The following SMG6 variants were observed in gnomAD, a reference collection of about 807,000 sequenced individuals.
SMG6 encodes the protein SMG6 nonsense mediated mRNA decay factor.
SMG6 carries 66 observed loss-of-function variants against 142.2 expected under a neutral mutation model. That is an observed-to-expected ratio of 0.46 (90% CI 0.38 to 0.57). The LOEUF (loss-of-function observed/expected upper bound fraction) is 0.57, where lower values mean the gene tolerates loss of function less well. Ranked by LOEUF, SMG6 falls within the 20% of genes least tolerant of loss-of-function variation. SMG6 has a pLI of 0.00. For missense variants in SMG6, 1,793 were observed against 1,832.0 expected (o/e 0.98, Z 0.39); for synonymous variants, 779 against 702.4 (o/e 1.11, Z -1.72).
intron 10 of SMG6, chr17:2,215,445 C>T (rs2072987952): frequency 6.6e-6 from 1 of 151,980 alleles, no homozygotes; most frequent in African/African-American, 2.4e-5. Flanking sequence ...TAAGAGGAAA[C>T]GAGACAGACA....
At chr17:2,281,909 T>C (rs1453313240) in intron 8 of SMG6, among the ~76,000 whole-genome samples, 1 of 152,146 alleles carries the variant, frequency 6.6e-6, no homozygotes, top group Non-Finnish European at 1.5e-5. Flanking sequence ...CACCTCCCTT[T>C]CCTTCTCAAG....
chr17:2,097,156 TTTTC>T (rs944302559), intron 13 of SMG6, among the ~76,000 whole-genome samples: 2 of 150,714 alleles, frequency 1.3e-5, no homozygotes, highest in Non-Finnish European at 2.9e-5. Context: ...TTTTCTTTTC[TTTTC>T]TTTTTTTTTT....
chr17:2,207,336 A>G lies in SMG6; in HGVS notation c.2870-18821T>C, dbSNP rs560703627. 1.1e-3 allele frequency among the ~76,000 whole-genome samples: 162 copies of G among 152,204 alleles called. 2 individuals are homozygous for G. The highest frequency in any genetic ancestry group is 3.7e-3 in the African/African-American group (154 of 41,538). On this transcript the variant is annotated intron_variant, in intron 10 of 18. Coordinates refer to ENST00000263073, the MANE Select transcript of SMG6 (RefSeq NM_017575.5). ...AACCCCACTAAATTAGAAAATGATC[A>G]GTTTTATTTCAAAATTATCCATGAT...
chr17:2,283,831 C>G, intron 6 of SMG6, 96 bp from the exon 7 acceptor site: 1 of 877,990 alleles, frequency 1.1e-6, no homozygotes, highest in Non-Finnish European at 1.8e-6. Flanking sequence ...CTCTCCCAGC[C>G]TGTCTCCCAA....
At chr17:2,061,758 T>G (rs2067787424) in intron 18 of SMG6, 136 bp from the exon 19 acceptor site, 3 of 1,037,224 alleles carry the variant, frequency 2.9e-6, no homozygotes, top group Non-Finnish European at 4.2e-6. Flanking sequence ...ACCAGTCCTT[T>G]CCTCCGTCCG....
At chr17:2,063,892 T>C (rs2067860183) in intron 18 of SMG6, among the ~76,000 whole-genome samples, 1 of 152,132 alleles carries the variant, frequency 6.6e-6, no homozygotes, top group African/African-American at 2.4e-5. Flanking sequence ...GGACAGAACA[T>C]AACCTCCTCT....
chr17:2,237,965 T>C (rs2073708957), intron 9 of SMG6, among the ~76,000 whole-genome samples: 1 of 152,172 alleles, frequency 6.6e-6, no homozygotes, highest in Non-Finnish European at 1.5e-5. Flanking sequence ...GGGAAACAGC[T>C]CCAGGTTGGA....
At chr17:2,186,037 G>A (rs900795680) in intron 12 of SMG6, among the ~76,000 whole-genome samples, 2 of 151,934 alleles carry the variant, frequency 1.3e-5, no homozygotes, top group African/African-American at 4.8e-5. Context: ...ACCAGCCTGG[G>A]CAACACGGCG....
chr17:2,295,750 G>A (rs914723552), intron 4 of SMG6, among the ~76,000 whole-genome samples: 1 of 152,036 alleles, frequency 6.6e-6, no homozygotes, highest in Non-Finnish European at 1.5e-5. Context: ...GACCTCCAGA[G>A]AGACCACAAT....
At chr17:2,188,643 A>G (rs1022468303) in intron 10 of SMG6, 128 bp from the exon 11 acceptor site, 6 of 741,890 alleles carry the variant, frequency 8.1e-6, no homozygotes, top group East Asian at 8.0e-5. Context: ...CAGAGTGGTC[A>G]TAAGGCCAAG....
intron 17 of SMG6, 144 bp downstream of exon 17, chr17:2,065,324 G>C: frequency 1.0e-6 from 1 of 958,260 alleles, no homozygotes; most frequent in Non-Finnish European, 1.6e-6. Flanking sequence ...AGTGACTTAG[G>C]GGAGAAGGAA....
At chr17:2,165,898 C>T (rs1240171989) in intron 13 of SMG6, among the ~76,000 whole-genome samples, 1 of 152,086 alleles carries the variant, frequency 6.6e-6, no homozygotes. Context: ...GAGTGAGACA[C>T]TGTCTCAAAA....
chr17:2,303,578 G>T, intron 1 of SMG6, 55 bp downstream of exon 1: 2 of 1,374,878 alleles, frequency 1.5e-6, no homozygotes, highest in Non-Finnish European at 1.9e-6. Flanking sequence ...CAGAGGAGGA[G>T]GAGAGGGAGG....
chr17:2,293,618 C>T (rs777560619), intron 4 of SMG6, among the ~76,000 whole-genome samples: 8 of 152,064 alleles, frequency 5.3e-5, no homozygotes, highest in Non-Finnish European at 8.8e-5. Context: ...GATAGGCATG[C>T]GCCACCATGC....
At chr17:2,067,471 C>T (rs988825247) in intron 16 of SMG6, among the ~76,000 whole-genome samples, 2 of 152,182 alleles carry the variant, frequency 1.3e-5, no homozygotes, top group East Asian at 3.8e-4. Context: ...CTGAAAAGCT[C>T]CTGGGTAGGA....
chr17:2,268,488 T>C (rs2074472166), intron 8 of SMG6, among the ~76,000 whole-genome samples: 1 of 151,994 alleles, frequency 6.6e-6, no homozygotes, highest in Non-Finnish European at 1.5e-5. Flanking sequence ...AAAGAAAATA[T>C]TGGGTGGGGA....
chr17:2,297,850 G>A lies in SMG6; in HGVS notation c.2040+13C>T, dbSNP rs528780070. 1.2e-6 allele frequency: 2 copies of A among 1,605,496 alleles called. No individual in the cohort carries two copies. Among genetic ancestry groups the A allele is most frequent in the South Asian group, 1.1e-5 (1 of 90,456 alleles). ...GAAGCCTTTATCCTGAGGACAAAAA[G>A]ATGACAGTTTACCTCATCCAAGAGC... On this transcript the variant is annotated intron_variant, in intron 3 of 18. Transcript: ENST00000263073.
At position 2,065,475 on chromosome 17, in the gene SMG6, C is replaced by T. The variant is rs778440814; in HGVS notation, c.4040G>A (p.Gly1347Asp). The stretch of plus-strand genomic sequence containing the variant: ...CCTGCCACAGGGTCTCACCAGCTGG[C>T]CAGTGATGTCCTCACTGCGGAAGGC... Reference protein sequence around the residue: ...SIAFRSEDITGQLGNNDDLIL... With the variant: ...SIAFRSEDITDQLGNNDDLIL... The change falls in exon 17 of 19, where the codon GGC becomes GAC. Residue 1347 changes from glycine to aspartate, a missense_variant. By Grantham distance (94) the Gly-to-Asp change is moderately conservative. Transcript: ENST00000263073. The T allele has an allele frequency of 3.1e-6, 5 of 1,611,622 alleles. No homozygotes were observed. In the East Asian group the frequency reaches 1.1e-4, roughly 36 times the overall value.
chr17:2,218,579 T>C (rs1487332198), intron 10 of SMG6, among the ~76,000 whole-genome samples: 2 of 151,972 alleles, frequency 1.3e-5, no homozygotes, highest in African/African-American at 4.8e-5. Flanking sequence ...GAAACCACAT[T>C]CTTTCCTCCC....
Sources: allele counts gnomAD v4.1 joint callset (sites outside exome capture counted in the v4.1 genomes callset), GRCh38; gene constraint gnomAD v4.1.1; transcripts MANE v1.5; gene names NCBI Gene and HGNC (gene_info 2026-07-23, HGNC 2026-07-21).